Variants in ENOX1 observed in about 807,000 individuals in gnomAD.
ENOX1 encodes candidate growth-related and time keeping constitutive hydroquinone (NADH) oxidase.
Under a neutral mutation model 82.5 loss-of-function variants are expected in ENOX1, and 42 were observed. That is an observed-to-expected ratio of 0.51 (90% CI 0.40 to 0.66). The LOEUF (loss-of-function observed/expected upper bound fraction) is 0.66, where lower values mean the gene tolerates loss of function less well. Ranked by LOEUF, ENOX1 falls within the 30% of genes least tolerant of loss-of-function variation. ENOX1 has a pLI of 0.00. For synonymous variants in ENOX1, 271 were observed against 282.2 expected (o/e 0.96, Z 0.40); for missense variants, 608 against 811.6 (o/e 0.75, Z 3.05).
intron 2 of ENOX1, among the ~76,000 whole-genome samples, chr13:43,653,087 A>C (rs1425849078): frequency 6.6e-6 from 1 of 152,206 alleles, no homozygotes; most frequent in Non-Finnish European, 1.5e-5. Context: ...TCCTGCCCTC[A>C]GTTGCGCAGC....
chr13:43,282,821 G>A (rs1370009048), intron 12 of ENOX1, among the ~76,000 whole-genome samples: 1 of 151,918 alleles, frequency 6.6e-6, no homozygotes, highest in Admixed American at 6.6e-5. Flanking sequence ...GGCCAGGCGC[G>A]GTGGCTTATG....
intron 2 of ENOX1, among the ~76,000 whole-genome samples, chr13:43,487,315 C>T (rs568584546): frequency 2.0e-5 from 3 of 152,094 alleles, no homozygotes; most frequent in African/African-American, 7.2e-5. Context: ...AAGAAGGCTT[C>T]AGTGAAGAAA....
rs547862693 is a variant in ENOX1, at chr13:43,633,471, C to T, written c.-219+34008G>A. On this transcript the variant is annotated intron_variant, in intron 2 of 16. Coordinates refer to ENST00000690772, the MANE Select transcript of ENOX1 (RefSeq NM_001347969.2). The stretch of plus-strand genomic sequence containing the variant: ...ACCACAGCACTGTTTGTAAAAATCC[C>T]GCATTGGGATCCACAAATAAGTCCA... Among the ~76,000 whole-genome samples the T allele has an allele frequency of 2.6e-5, 4 of 152,096 alleles. No homozygotes were observed. In the South Asian group the frequency reaches 6.2e-4, roughly 24 times the overall value.
chr13:43,674,356 A>C (rs1337347979), intron 1 of ENOX1, among the ~76,000 whole-genome samples: 1 of 152,208 alleles, frequency 6.6e-6, no homozygotes, highest in African/African-American at 2.4e-5. Context: ...GGGTGATGAG[A>C]GGCTAGAAAA....
intron 2 of ENOX1, among the ~76,000 whole-genome samples, chr13:43,666,573 A>T (rs550527116): frequency 2.0e-5 from 3 of 152,210 alleles, no homozygotes; most frequent in Non-Finnish European, 4.4e-5. Flanking sequence ...GGCCTGCGAC[A>T]GATTCTCCCT....
chr13:43,620,287 G>A lies in ENOX1; in HGVS notation c.-219+47192C>T, dbSNP rs558091332. ...CTTGGTTATTTCCTTTCTTCTGCTG[G>A]GTTTGAGCTTGGTTTGTTCTTGTTT... On this transcript the variant is annotated intron_variant, in intron 2 of 16. Transcript: ENST00000690772. 4.6e-5 allele frequency among the ~76,000 whole-genome samples: 7 copies of A among 151,576 alleles called. 1 individual carries two copies. Among genetic ancestry groups the A allele is most frequent in the Non-Finnish European group, 8.8e-5 (6 of 67,904 alleles).
At chr13:43,411,002 T>C (rs2054095989) in intron 5 of ENOX1, among the ~76,000 whole-genome samples, 2 of 152,194 alleles carry the variant, frequency 1.3e-5, no homozygotes, top group Non-Finnish European at 2.9e-5. Flanking sequence ...GTTGAATGAA[T>C]GAATGAGTGA....
intron 1 of ENOX1, among the ~76,000 whole-genome samples, chr13:43,715,726 A>G (rs760430525): frequency 5.5e-4 from 83 of 152,264 alleles, no homozygotes; most frequent in Non-Finnish European, 1.0e-3. Context: ...TTCGTCTTCC[A>G]TCACTGATAC....
At chr13:43,657,214 T>C (rs1343807947) in intron 2 of ENOX1, among the ~76,000 whole-genome samples, 1 of 152,206 alleles carries the variant, frequency 6.6e-6, no homozygotes, top group Non-Finnish European at 1.5e-5. Flanking sequence ...TTTTTAAACA[T>C]TAGTATGTAT....
chr13:43,603,855 C>A (rs1043284440), intron 2 of ENOX1, among the ~76,000 whole-genome samples: 2 of 108,416 alleles, frequency 1.8e-5, no homozygotes, highest in African/African-American at 8.3e-5. Context: ...CATTCGTGTG[C>A]ATGTGTCTTT....
At chr13:43,665,438 A>T (rs1334741154) in intron 2 of ENOX1, among the ~76,000 whole-genome samples, 1 of 152,224 alleles carries the variant, frequency 6.6e-6, no homozygotes, top group Non-Finnish European at 1.5e-5. Context: ...TGCATAAAGA[A>T]GGAAGAAGAC....
rs1952627391 is a variant in ENOX1 at position 43,786,394 on chromosome 13, G to A, written c.-285+258C>T. Among the ~76,000 whole-genome samples, 1 of 151,722 alleles carries A rather than the reference G, an allele frequency of 6.6e-6. No homozygotes were observed. Among genetic ancestry groups the A allele is most frequent in the African/African-American group, 2.4e-5 (1 of 41,322 alleles). On this transcript the variant is annotated intron_variant, in intron 1 of 16. Transcript: ENST00000690772. The surrounding 1 kb of genome is among the most constrained non-coding windows in gnomAD (Gnocchi z 6.0). Reference sequence around the variant, plus strand: ...GGGAGAGCGGGGAACAGCTGTCTGGGGCGCTGGGCACCCCCGGGCGCGTAA... The same window carrying A: ...GGGAGAGCGGGGAACAGCTGTCTGGAGCGCTGGGCACCCCCGGGCGCGTAA...
intron 11 of ENOX1, among the ~76,000 whole-genome samples, chr13:43,312,860 A>C (rs1246436163): frequency 6.6e-6 from 1 of 152,114 alleles, no homozygotes; most frequent in East Asian, 1.9e-4. Flanking sequence ...GGGAAAATAC[A>C]GAAAATGACG....
At chr13:43,482,617 C>T (rs994629430) in intron 3 of ENOX1, among the ~76,000 whole-genome samples, 1 of 149,450 alleles carries the variant, frequency 6.7e-6, no homozygotes, top group Non-Finnish European at 1.5e-5. Context: ...GGGTAGATTT[C>T]ATATTTTGTG....
At chr13:43,781,970 A>G (rs1952295633) in intron 1 of ENOX1, among the ~76,000 whole-genome samples, 2 of 152,184 alleles carry the variant, frequency 1.3e-5, no homozygotes, top group South Asian at 4.1e-4. Context: ...ATTTTTAGCA[A>G]TCATCCCATT....
chr13:43,601,240 A>T lies in ENOX1; in HGVS notation c.-219+66239T>A, dbSNP rs138378620. Reference sequence around the variant, plus strand: ...GAGAGAGCTATGTGACTATTCAGACAAAGAATTCAAAACATCTGATTTAAG... The same window carrying T: ...GAGAGAGCTATGTGACTATTCAGACTAAGAATTCAAAACATCTGATTTAAG... On this transcript the variant is annotated intron_variant, in intron 2 of 16. Coordinates refer to ENST00000690772, the MANE Select transcript of ENOX1 (RefSeq NM_001347969.2). Among the ~76,000 whole-genome samples, 6 of 152,314 alleles carry T rather than the reference A, an allele frequency of 3.9e-5. No individual in the cohort carries two copies. In the East Asian group the frequency reaches 1.2e-3, roughly 29 times the overall value.
chr13:43,326,098 G>T (rs1490129415), intron 10 of ENOX1, among the ~76,000 whole-genome samples: 1 of 152,084 alleles, frequency 6.6e-6, no homozygotes, highest in Admixed American at 6.6e-5. Context: ...TTAAAAGCCA[G>T]TTTTCTATTG....
At chr13:43,352,062 A>G (rs1232665240) in intron 8 of ENOX1, among the ~76,000 whole-genome samples, 3 of 152,226 alleles carry the variant, frequency 2.0e-5, no homozygotes, top group Non-Finnish European at 4.4e-5. Flanking sequence ...TCATGGAACC[A>G]TAAATACTGA....
intron 8 of ENOX1, among the ~76,000 whole-genome samples, chr13:43,346,183 C>A (rs988056732): frequency 3.3e-5 from 5 of 152,154 alleles, no homozygotes; most frequent in African/African-American, 1.2e-4. Flanking sequence ...ACCAGGAGTA[C>A]AGCTTCCTTA....
Sources: gnomAD v4.1 joint callset for allele counts (sites outside exome capture counted in the v4.1 genomes callset) on GRCh38, gnomAD v4.1.1 for gene constraint, Gnocchi (gnomAD v3.1) non-coding constraint, MANE v1.5 for transcripts, NCBI Gene and HGNC (gene_info 2026-07-23, HGNC 2026-07-21) for gene names.